The following COG6 variants were observed in gnomAD, a reference collection of about 807,000 sequenced individuals.
COG6 encodes conserved oligomeric Golgi complex subunit 6.
COG6 carries 74 observed loss-of-function variants against 88.8 expected under a neutral mutation model. That is an observed-to-expected ratio of 0.83 (90% CI 0.69 to 1.01). The LOEUF (loss-of-function observed/expected upper bound fraction) is 1.01. Among genes scored for constraint, COG6 ranks in the 50% least tolerant of loss-of-function variants. COG6 has a pLI of 0.00. For missense variants in COG6, 800 were observed against 797.9 expected (o/e 1.00, Z -0.03); for synonymous variants, 286 against 278.7 (o/e 1.03, Z -0.26).
chr13:39,679,668 A>G (rs759422615), intron 6 of COG6, 48 bp downstream of exon 6: 27 of 1,118,508 alleles, frequency 2.4e-5, no homozygotes, highest in African/African-American at 3.1e-5. Flanking sequence ...TATGTTTCCA[A>G]AATTTTAAAG....
intron 1 of COG6, among the ~76,000 whole-genome samples, chr13:39,657,778 C>T (rs9532412): frequency 0.34 from 51,662 of 151,912 alleles, 9,201 homozygotes; most frequent in South Asian, 0.51. Flanking sequence ...CTCTCTCTTC[C>T]ATTCATGTTT....
At position 39,752,147 on chromosome 13, in the gene COG6, CAA is replaced by C. The variant is rs144577794; in HGVS notation, c.*1062_*1063del. On this transcript the variant is annotated 3_prime_UTR_variant, in exon 19 of 19. Coordinates refer to ENST00000455146, the MANE Select transcript of COG6 (RefSeq NM_020751.3). ...GTGCCTGATTTGACATTCTTGTCAGCAAAAAAAAACTTAATTTCTAGTAAATC... is the reference window on the plus strand; with the variant it reads ...GTGCCTGATTTGACATTCTTGTCAGCAAAAAAACTTAATTTCTAGTAAATC... 9.7e-6 allele frequency: 11 copies of C among 1,137,956 alleles called. No individual in the cohort carries two copies. The Admixed American group carries it at 9.8e-5, about 10-fold the overall frequency. The allele number at this position is 1,137,956 out of a possible 1,614,324, so 70.5% of individuals were successfully genotyped here.
intron 18 of COG6, among the ~76,000 whole-genome samples, chr13:39,745,127 C>T (rs928775913): frequency 2.0e-5 from 3 of 152,170 alleles, no homozygotes; most frequent in African/African-American, 7.2e-5. Context: ...AGACCTAAAA[C>T]CATAAAAACC....
intron 18 of COG6, among the ~76,000 whole-genome samples, chr13:39,749,644 A>T (rs1333979228): frequency 6.6e-6 from 1 of 152,228 alleles, no homozygotes; most frequent in African/African-American, 2.4e-5. Flanking sequence ...CATGGATAAG[A>T]GAGAACATTT....
At chr13:39,788,472 T>G in exon 19 of COG6, 1 of 943,400 alleles carries the variant, frequency 1.1e-6, no homozygotes, top group Non-Finnish European at 1.7e-6. Flanking sequence ...CAGATGGCTT[T>G]GTCATCTTCC....
chr13:39,668,119 C>T (rs562960524), intron 4 of COG6, among the ~76,000 whole-genome samples: 12 of 150,788 alleles, frequency 8.0e-5, no homozygotes, highest in African/African-American at 2.4e-4. Context: ...CATGTATCCA[C>T]ACCTTATCAC....
chr13:39,656,884 A>T (rs1334134774), intron 1 of COG6: 1 of 455,586 alleles, frequency 2.2e-6, no homozygotes, highest in African/African-American at 2.0e-5. Context: ...TCAGTGAGAG[A>T]CTCCAGGTAA....
intron 18 of COG6, among the ~76,000 whole-genome samples, chr13:39,743,588 G>C (rs918569182): frequency 1.3e-5 from 2 of 152,032 alleles, no homozygotes; most frequent in Non-Finnish European, 2.9e-5. Flanking sequence ...CCAATAACAG[G>C]CTCTGAAATT....
chr13:39,669,350 A>T (rs1442465912), intron 4 of COG6, among the ~76,000 whole-genome samples: 2 of 152,248 alleles, frequency 1.3e-5, no homozygotes, highest in African/African-American at 4.8e-5. Context: ...AACTAAGAGG[A>T]TAACAGATCA....
downstream of COG6, among the ~76,000 whole-genome samples, chr13:39,753,914 A>T (rs2138153963): frequency 6.6e-6 from 1 of 152,292 alleles, no homozygotes; most frequent in South Asian, 2.1e-4. Flanking sequence ...CTGTCTTTAA[A>T]GTATCCCAAT....
chr13:39,774,120 G>C (rs981997110), intron 18 of COG6, among the ~76,000 whole-genome samples: 2 of 152,048 alleles, frequency 1.3e-5, no homozygotes, highest in East Asian at 3.9e-4. Flanking sequence ...GCTATTTATA[G>C]GATGCTCATC....
chr13:39,780,691 G>A (rs1182142828), intron 18 of COG6, among the ~76,000 whole-genome samples: 2 of 152,028 alleles, frequency 1.3e-5, no homozygotes, highest in African/African-American at 4.8e-5. Context: ...TCAAGTTATA[G>A]CACATAATTT....
At chr13:39,668,390 C>G (rs568962473) in intron 4 of COG6, among the ~76,000 whole-genome samples, 1 of 152,260 alleles carries the variant, frequency 6.6e-6, no homozygotes, top group East Asian at 1.9e-4. Context: ...TCCCTCTCCC[C>G]TACCTTAATT....
rs773954326 is a variant in COG6, at chr13:39,659,436, C to T, written c.226C>T (p.Arg76Cys). 8 of 1,613,412 alleles carry T rather than the reference C, an allele frequency of 5.0e-6. No individual in the cohort carries two copies. The highest frequency in any genetic ancestry group is 2.2e-5 in the South Asian group (2 of 91,064). Residue 76 changes from arginine (R) to cysteine (C), a missense_variant, in exon 2 of 19, where the codon CGT (arginine) becomes TGT (cysteine). Transcript: ENST00000455146. ...TAGTCTGCGGACTCGAAGAAATTTA[C>T]GTGGAGATATTGAACGTAAAAGTTT... ...ENSLRTRRNLRGDIERKSLAI... is the reference protein window; with the variant it reads ...ENSLRTRRNLCGDIERKSLAI...
chr13:39,722,092 A>G (rs548554292), intron 15 of COG6, among the ~76,000 whole-genome samples: 5 of 152,110 alleles, frequency 3.3e-5, no homozygotes, highest in Admixed American at 2.6e-4. Flanking sequence ...CGGATCTGCC[A>G]TCTAATTTCT....
Position 39,714,835 on chromosome 13 carries a change from G to A in COG6, c.1285-4401G>A, listed in dbSNP as rs910748906. On this transcript the variant is annotated intron_variant, in intron 13 of 18. Coordinates refer to ENST00000455146, the MANE Select transcript of COG6 (RefSeq NM_020751.3). The stretch of plus-strand genomic sequence containing the variant: ...TGCACACATGTGTTTATTGCAGCAC[G>A]GTTGCAGTTGTAAAGATATGGAACC... 9.9e-5 allele frequency among the ~76,000 whole-genome samples: 15 copies of A among 152,106 alleles called. No individual in the cohort carries two copies. The East Asian group carries it at 1.2e-3, about 12-fold the overall frequency.
At chr13:39,765,912 C>G (rs956432450) in intron 18 of COG6, among the ~76,000 whole-genome samples, 1 of 152,212 alleles carries the variant, frequency 6.6e-6, no homozygotes, top group African/African-American at 2.4e-5. Flanking sequence ...GCAATTAGGC[C>G]AAGTGCCAAA....
chr13:39,659,986 A>G (rs575374455), intron 2 of COG6, among the ~76,000 whole-genome samples: 11 of 152,324 alleles, frequency 7.2e-5, no homozygotes, highest in Non-Finnish European at 1.3e-4. Flanking sequence ...CCACAGAGTG[A>G]AAATAAATTT....
intron 7 of COG6, 39 bp from the exon 8 acceptor site, chr13:39,682,132 C>T (rs995891050): frequency 1.1e-5 from 15 of 1,400,708 alleles, no homozygotes; most frequent in Non-Finnish European, 1.3e-5. Context: ...AACATCTAAG[C>T]TGAATTTAAC....
Sources: gnomAD v4.1 joint callset for allele counts (sites outside exome capture counted in the v4.1 genomes callset) on GRCh38, gnomAD v4.1.1 for gene constraint, MANE v1.5 for transcripts, NCBI Gene and HGNC (gene_info 2026-07-23, HGNC 2026-07-21) for gene names.